WWC2: variants seen among roughly 807,000 people sequenced by gnomAD.
WWC2 encodes WW and C2 domain containing 2.
Under a neutral mutation model 138.5 loss-of-function variants are expected in WWC2, and 101 were observed. That is an observed-to-expected ratio of 0.73 (90% CI 0.62 to 0.86). WWC2 has a LOEUF of 0.86. WWC2 is among the 40% of genes least tolerant of loss of function. The pLI, the probability that WWC2 is intolerant of heterozygous loss-of-function variation, is 0.00. For synonymous variants in WWC2, 558 were observed against 538.4 expected, an observed-to-expected ratio of 1.04 and a Z score of -0.50; for missense variants, 1,420 against 1,419.4, an observed-to-expected ratio of 1.00 and a Z score of -0.01.
At chr4:183,193,019 T>A (rs570585829) in intron 1 of WWC2, among the ~76,000 whole-genome samples, 2 of 152,198 alleles carry the variant, frequency 1.3e-5, no homozygotes, top group Admixed American at 6.5e-5. Flanking sequence ...TGAGATCACA[T>A]TGATATATGA....
chr4:183,279,102 A>G (rs1204109896), intron 16 of WWC2, among the ~76,000 whole-genome samples: 1 of 152,052 alleles, frequency 6.6e-6, no homozygotes, highest in Non-Finnish European at 1.5e-5. Flanking sequence ...TCAGTATGAT[A>G]TTGGCTGTGG....
intron 16 of WWC2, among the ~76,000 whole-genome samples, chr4:183,274,099 G>A (rs1580136167): frequency 6.6e-6 from 1 of 152,180 alleles, no homozygotes; most frequent in African/African-American, 2.4e-5. Context: ...ACTTAAGCTA[G>A]TACTGCACTG....
chr4:183,204,310 AC>A (rs1416859632), intron 2 of WWC2, among the ~76,000 whole-genome samples: 4 of 152,212 alleles, frequency 2.6e-5, no homozygotes, highest in African/African-American at 9.6e-5. Flanking sequence ...ACCCGAGAAT[AC>A]CAGGATAGGA....
intron 1 of WWC2, among the ~76,000 whole-genome samples, chr4:183,102,868 CTTT>C (rs779381709): frequency 2.5e-5 from 3 of 118,808 alleles, no homozygotes; most frequent in Non-Finnish European, 5.4e-5. Context: ...TGGCCTGGTG[CTTT>C]TTTTTTTTTT....
At chr4:183,197,717 A>C (rs1395528875) in intron 2 of WWC2, among the ~76,000 whole-genome samples, 1 of 152,176 alleles carries the variant, frequency 6.6e-6, no homozygotes. Flanking sequence ...TTTTTGGTAG[A>C]GTCAGAGTTG....
intron 14 of WWC2, among the ~76,000 whole-genome samples, chr4:183,268,508 T>C (rs1378659417): frequency 2.6e-5 from 4 of 152,224 alleles, no homozygotes; most frequent in Non-Finnish European, 5.9e-5. Context: ...AGTAGGATAA[T>C]GTATTCCATT....
At chr4:183,173,475 C>G (rs1734352132) in intron 1 of WWC2, among the ~76,000 whole-genome samples, 1 of 151,936 alleles carries the variant, frequency 6.6e-6, no homozygotes, top group African/African-American at 2.4e-5. Context: ...TTGGTTTCTG[C>G]TTTCATTTTA....
chr4:183,270,982 T>A, intron 15 of WWC2, 98 bp from the exon 16 acceptor site: 2 of 1,115,424 alleles, frequency 1.8e-6, no homozygotes, highest in Non-Finnish European at 2.4e-6. Context: ...TAAAACAAGC[T>A]CATTCAATAA....
At chr4:183,255,441 C>A (rs73872304) in intron 9 of WWC2, among the ~76,000 whole-genome samples, 12 of 152,302 alleles carry the variant, frequency 7.9e-5, no homozygotes, top group South Asian at 2.1e-4. Flanking sequence ...TTTCTAGCTA[C>A]GGATAGTCAT....
intron 2 of WWC2, among the ~76,000 whole-genome samples, chr4:183,198,373 T>C (rs925408291): frequency 6.6e-6 from 1 of 152,138 alleles, no homozygotes; most frequent in African/African-American, 2.4e-5. Flanking sequence ...CATGCACATA[T>C]ACACAGTTTC....
At position 183,269,151 on chromosome 4, in the gene WWC2, G is replaced by A. The variant is rs1213193310; in HGVS notation, c.2388G>A (p.Arg796=). The change falls in exon 15 of 23, where the codon AGG becomes AGA. Residue 796 remains arginine, a synonymous_variant. Coordinates refer to ENST00000403733, the MANE Select transcript of WWC2 (RefSeq NM_024949.6). ...VDLCSVSKHR[R]EECLAGTQIS... is the part of the protein sequence containing the mutation. ...TTTGCTCTGTCAGTAAACACCGAAG[G>A]GAAGAATGCCTGGTAGGATTCTTCA... The A allele has an allele frequency of 1.2e-6, 2 of 1,609,334 alleles. No individual in the cohort carries two copies. The highest frequency in any genetic ancestry group is 1.7e-6 in the Non-Finnish European group (2 of 1,178,754).
chr4:183,146,672 A>T (rs1216971814), intron 1 of WWC2, among the ~76,000 whole-genome samples: 1 of 152,090 alleles, frequency 6.6e-6, no homozygotes, highest in Non-Finnish European at 1.5e-5. Flanking sequence ...GCCCTTTTAG[A>T]TGTCTGTCTG....
chr4:183,177,677 T>G (rs1489944268), intron 1 of WWC2, among the ~76,000 whole-genome samples: 1 of 152,208 alleles, frequency 6.6e-6, no homozygotes, highest in Non-Finnish European at 1.5e-5. Flanking sequence ...AAGAGTAACA[T>G]TTATGAACAT....
chr4:183,170,846 ATTT>A (rs10583073), intron 1 of WWC2, among the ~76,000 whole-genome samples: 144,490 of 148,064 alleles, frequency 0.98, 70,539 homozygotes, highest in Non-Finnish European at 0.99. Flanking sequence ...TAGCTAATTA[ATTT>A]TTTTTTTTTT....
intron 1 of WWC2, among the ~76,000 whole-genome samples, chr4:183,176,532 C>G (rs1241399578): frequency 1.3e-5 from 2 of 152,072 alleles, no homozygotes; most frequent in African/African-American, 2.4e-5. Flanking sequence ...AAGTGATTCT[C>G]CTGCCTCAGC....
At chr4:183,289,317 G>T (rs937693274) in intron 20 of WWC2, 76 bp from the exon 21 acceptor site, 68 of 1,531,926 alleles carry the variant, frequency 4.4e-5, no homozygotes, top group Non-Finnish European at 5.7e-5. Context: ...TCCATCATGC[G>T]CCAGGAAGGA....
intron 2 of WWC2, among the ~76,000 whole-genome samples, chr4:183,205,217 C>T (rs907042660): frequency 5.3e-5 from 8 of 152,216 alleles, no homozygotes; most frequent in African/African-American, 1.9e-4. Context: ...ACATCCTCTT[C>T]AACACTTGGC....
At chr4:183,102,429 C>T (rs576895675) in intron 1 of WWC2, among the ~76,000 whole-genome samples, 7 of 152,312 alleles carry the variant, frequency 4.6e-5, no homozygotes, top group African/African-American at 1.4e-4. Flanking sequence ...TCATTTCATT[C>T]TCCCGTTGGT....
At chr4:183,204,389 A>G (rs138150478) in intron 2 of WWC2, among the ~76,000 whole-genome samples, 183 of 152,302 alleles carry the variant, frequency 1.2e-3, no homozygotes, top group African/African-American at 4.2e-3. Flanking sequence ...TCTTTTTACA[A>G]TCGAGAGACA....
Sources: gnomAD v4.1 joint callset for allele counts (sites outside exome capture counted in the v4.1 genomes callset) on GRCh38, gnomAD v4.1.1 for gene constraint, MANE v1.5 for transcripts, NCBI Gene and HGNC (gene_info 2026-07-23, HGNC 2026-07-21) for gene names.